Variants in TRIM46 observed in about 807,000 individuals in gnomAD.
TRIM46 encodes the protein tripartite motif-containing protein 46.
TRIM46 carries 17 observed loss-of-function variants against 69.7 expected under a neutral mutation model. That is an observed-to-expected ratio of 0.24 (90% CI 0.17 to 0.37). The LOEUF (loss-of-function observed/expected upper bound fraction) is 0.37. Among genes scored for constraint, TRIM46 ranks in the 10% least tolerant of loss-of-function variants. The pLI, the probability that TRIM46 is intolerant of heterozygous loss-of-function variation, is 1.00. For missense variants in TRIM46, 675 were observed against 1,025.1 expected (o/e 0.66, Z 4.66); for synonymous variants, 391 against 429.0 (o/e 0.91, Z 1.09).
chr1:155,179,781 C>T lies in TRIM46; in HGVS notation c.1435C>T (p.Arg479Cys), dbSNP rs374448627. 2.4e-5 allele frequency: 39 copies of T among 1,613,206 alleles called. No individual in the cohort carries two copies. Among genetic ancestry groups the T allele is most frequent in the Middle Eastern group, 1.6e-4 (1 of 6,084 alleles). ...TDVPAQPGPT[R>C]WQRREEVRGT... is the part of the protein sequence containing the mutation. The stretch of plus-strand genomic sequence containing the variant: ...TGTGCCTGCTCAGCCAGGCCCCACC[C>T]GCTGGCAGCGGCGGGAGGAGGTGAG... The change falls in exon 8 of 10, where the codon CGC becomes TGC. Residue 479 changes from arginine to cysteine, a missense_variant. Transcript: ENST00000334634.
In TRIM46 at chr1:155,175,821, A is replaced by G. The variant is rs1665610113; in HGVS notation, c.326-67A>G. Reference sequence around the variant, plus strand: ...GGCACAATGAAAATCTAATTTAATTAAACAGGCTTCCCCACACCCAGCCAG... The same window carrying G: ...GGCACAATGAAAATCTAATTTAATTGAACAGGCTTCCCCACACCCAGCCAG... On this transcript the variant is annotated intron_variant, in intron 2 of 9. Transcript: ENST00000334634. This position sits in a 1 kb window ranked among gnomAD's most constrained non-coding sequence, Gnocchi z 4.2. 15 of 1,577,352 alleles carry G rather than the reference A, an allele frequency of 9.5e-6. No homozygotes were observed. The highest frequency in any genetic ancestry group is 1.2e-5 in the Non-Finnish European group (14 of 1,158,664).
chr1:155,182,420 A>G (rs1666235598), intron 9 of TRIM46: 1 of 570,492 alleles, frequency 1.8e-6, no homozygotes. Flanking sequence ...CCTTCCAACC[A>G]TCTGTCACTC....
In TRIM46 at chr1:155,184,055, G is replaced by T. The variant is rs1557819880; in HGVS notation, c.2145G>T (p.Glu715Asp). The change falls in exon 10 of 10, where the codon GAG (glutamate) becomes GAT (aspartate). Residue 715 changes from glutamate to aspartate, a missense_variant. By Grantham distance (45) the Glu-to-Asp change is conservative (BLOSUM62 2). Coordinates refer to ENST00000334634, the MANE Select transcript of TRIM46 (RefSeq NM_025058.5). This position sits in a 1 kb window ranked among gnomAD's most constrained non-coding sequence, Gnocchi z 5.6. ...CTGTTTCCTTCCGTGGGCTCTTGGA[G>T]TGCCCCCTGGACTGCTCAGGGCCTG... ...LDAVSFRGLLECPLDCSGPVC... is the reference protein window; with the variant it reads ...LDAVSFRGLLDCPLDCSGPVC... The T allele has an allele frequency of 6.2e-7, 1 of 1,614,128 alleles. No homozygotes were observed. The highest frequency in any genetic ancestry group is 8.5e-7 in the Non-Finnish European group (1 of 1,180,040).
intron 8 of TRIM46, 89 bp downstream of exon 8, chr1:155,180,023 A>C: frequency 7.3e-7 from 1 of 1,371,064 alleles, no homozygotes; most frequent in Non-Finnish European, 9.8e-7. Context: ...GCCGCTAGAG[A>C]GGCCATATAA....
At position 155,175,751 on chromosome 1, in the gene TRIM46, G is replaced by A; in HGVS notation, c.325+104G>A. The A allele has an allele frequency of 1.3e-6, 2 of 1,595,784 alleles. No homozygotes were observed. Among genetic ancestry groups the A allele is most frequent in the Non-Finnish European group, 1.7e-6 (2 of 1,167,904 alleles). ...AGAGGCATCTGTCTGTCTTTCTGGG[G>A]GGTGGAGATACTGCTTACGCAGGCT... On this transcript the variant is annotated intron_variant, in intron 2 of 9. Transcript: ENST00000334634. This position sits in a 1 kb window ranked among gnomAD's most constrained non-coding sequence, Gnocchi z 4.2.
In TRIM46 at chr1:155,176,227, C is replaced by G; in HGVS notation, c.665C>G (p.Pro222Arg). 2 of 1,595,106 alleles carry G rather than the reference C, an allele frequency of 1.3e-6. No homozygotes were observed. Among genetic ancestry groups the G allele is most frequent in the Non-Finnish European group, 1.7e-6 (2 of 1,172,598 alleles). ...EPTLPTLSFR[P>R]KGLMCPDHKE... ...ACCCTGCCTACCCTCTCCTTCCGAC[C>G]CAAGGTGAGCCAGCCCTTCCAAGGC... The change falls in exon 3 of 10, where the codon CCC becomes CGC. Residue 222 changes from proline to arginine, a missense_variant. Around this residue, in one of 5 missense-constraint regions of TRIM46, gnomAD observed 361 missense variants for 498.3 expected, o/e 0.72. Transcript: ENST00000334634.
chr1:155,183,505 C>T (rs1666333833), intron 9 of TRIM46, among the ~76,000 whole-genome samples: 1 of 152,120 alleles, frequency 6.6e-6, no homozygotes, highest in African/African-American at 2.4e-5. Flanking sequence ...ATGATTTCCC[C>T]AAGACCATTT....
chr1:155,183,616 A>G (rs1182634573), intron 9 of TRIM46, among the ~76,000 whole-genome samples, 181 bp from the exon 10 acceptor site: 5 of 152,006 alleles, frequency 3.3e-5, no homozygotes, highest in African/African-American at 9.7e-5. Context: ...TCTTTCCACC[A>G]AACCCAAACC....
Position 155,181,057 on chromosome 1 carries a change from A to T in TRIM46, c.1589-795A>T, listed in dbSNP as rs1178503325. 6.6e-6 allele frequency among the ~76,000 whole-genome samples: 1 copy of T among 151,776 alleles called. No homozygotes were observed. Among genetic ancestry groups the T allele is most frequent in the Non-Finnish European group, 1.5e-5 (1 of 67,974 alleles). ...AGACCAGCCTGGCCAACATAGTGAA[A>T]CCCCGTCTCTACTAAAAATGAAAAT... is the stretch of plus-strand genomic sequence containing the variant. On this transcript the variant is annotated intron_variant, in intron 8 of 9. Transcript: ENST00000334634. The surrounding 1 kb of genome is among the most constrained non-coding windows in gnomAD (Gnocchi z 4.3).
At chr1:155,178,750 C>G in intron 7 of TRIM46, 137 bp downstream of exon 7, 1 of 1,458,366 alleles carries the variant, frequency 6.9e-7, no homozygotes, top group Admixed American at 2.0e-5. Context: ...CCCACCCAGC[C>G]CACCCTGCCA....
Position 155,173,909 on chromosome 1 carries a change from G to C in TRIM46, c.-58G>C. On this transcript the variant is annotated 5_prime_UTR_variant, in exon 1 of 10. Transcript: ENST00000334634. Reference sequence around the variant, plus strand: ...CCCACTGGGCTCCTGCATTAAGCCCGGGGTTCGCAGCCGCAGCCGGGATCG... The same window carrying C: ...CCCACTGGGCTCCTGCATTAAGCCCCGGGTTCGCAGCCGCAGCCGGGATCG... 1 of 1,533,678 alleles carries C rather than the reference G, an allele frequency of 6.5e-7. No individual in the cohort carries two copies. The highest frequency in any genetic ancestry group is 8.8e-7 in the Non-Finnish European group (1 of 1,132,958).
At chr1:155,176,341 C>A in intron 3 of TRIM46, 110 bp downstream of exon 3, 1 of 974,614 alleles carries the variant, frequency 1.0e-6, no homozygotes, top group Non-Finnish European at 1.5e-6. Context: ...TTTTCCAATG[C>A]TAAGCACCTA....
Position 155,175,988 on chromosome 1 carries a change from G to C in TRIM46, c.426G>C (p.Arg142=). The change falls in exon 3 of 10, where the codon CGG becomes CGC. Residue 142 remains arginine (R), a synonymous_variant. Coordinates refer to ENST00000334634, the MANE Select transcript of TRIM46 (RefSeq NM_025058.5). This position sits in a 1 kb window ranked among gnomAD's most constrained non-coding sequence, Gnocchi z 4.2. ...ACQGDVELGE[R]GLAGLFRNLT... ...AAGGTGATGTGGAGCTTGGGGAGCG[G>C]GGTCTGGCAGGGCTTTTCCGGAACC... 1.2e-6 allele frequency: 2 copies of C among 1,613,674 alleles called. No homozygotes were observed. Among genetic ancestry groups the C allele is most frequent in the Non-Finnish European group, 1.7e-6 (2 of 1,179,660 alleles).
At chr1:155,178,739 T>TTGGGGGCCCC in intron 7 of TRIM46, 126 bp downstream of exon 7, 1 of 1,348,468 alleles carries the variant, frequency 7.4e-7, no homozygotes, top group Non-Finnish European at 1.0e-6. Flanking sequence ...CAGCCATTCC[T>TTGGGGGCCCC]CCCACCCAGC....
Position 155,181,196 on chromosome 1 carries a change from C to T in TRIM46, c.1589-656C>T, listed in dbSNP as rs527438510. Among the ~76,000 whole-genome samples, 21 of 152,234 alleles carry T rather than the reference C, an allele frequency of 1.4e-4. No homozygotes were observed. The highest frequency in any genetic ancestry group is 2.8e-4 in the Non-Finnish European group (19 of 67,998). On this transcript the variant is annotated intron_variant, in intron 8 of 9. Transcript: ENST00000334634. This position sits in a 1 kb window ranked among gnomAD's most constrained non-coding sequence, Gnocchi z 4.3. ...CAGGGGTTGCAGTGAGCCAAGATTG[C>T]GCCACTGCACTCCAGCCTGGGGAAC...
At chr1:155,179,033 C>A (rs1012229483) in intron 7 of TRIM46, among the ~76,000 whole-genome samples, 2 of 152,234 alleles carry the variant, frequency 1.3e-5, no homozygotes, top group African/African-American at 4.8e-5. Flanking sequence ...CTTGCGTAAT[C>A]CTGGCCCTTC....
rs1242772428 is a variant in TRIM46, at chr1:155,184,686, CTTTA to C, written c.*504_*507del. On this transcript the variant is annotated 3_prime_UTR_variant, in exon 10 of 10. Coordinates refer to ENST00000334634, the MANE Select transcript of TRIM46 (RefSeq NM_025058.5). This position sits in a 1 kb window ranked among gnomAD's most constrained non-coding sequence, Gnocchi z 5.6. ...AGGGGAAGGGGACCCTGTCATCCTG[CTTTA>C]TTTATTTGGGTCCCAACACCCCGCA... The C allele has an allele frequency of 1.2e-5, 2 of 160,044 alleles. No homozygotes were observed. Among genetic ancestry groups the C allele is most frequent in the East Asian group, 3.7e-4 (2 of 5,374 alleles). The allele number at this position is 160,044 out of a possible 1,614,324, so 9.9% of individuals were successfully genotyped here.
chr1:155,174,434 A>C, intron 1 of TRIM46: 1 of 914,710 alleles, frequency 1.1e-6, no homozygotes, highest in African/African-American at 1.8e-5. Flanking sequence ...GCAGTTCCCA[A>C]TTTGGACCCC....
intron 8 of TRIM46, chr1:155,180,444 A>G: frequency 2.4e-6 from 1 of 421,764 alleles, no homozygotes; most frequent in Non-Finnish European, 4.3e-6. Flanking sequence ...GGAATACAAA[A>G]CTTAGCCAGG....
Sources: gnomAD v4.1 joint callset for allele counts (sites outside exome capture counted in the v4.1 genomes callset) on GRCh38, gnomAD v4.1.1 for gene constraint, gnomAD v4.1.1 regional missense constraint, Gnocchi (gnomAD v3.1) non-coding constraint, MANE v1.5 for transcripts, NCBI Gene and HGNC (gene_info 2026-07-23, HGNC 2026-07-21) for gene names.